Variants in CWF19L1 observed in about 807,000 individuals in gnomAD.
The protein encoded by CWF19L1 is CWF19 like cell cycle control factor 1.
A neutral mutation model predicts 69.7 loss-of-function variants in CWF19L1; 60 were observed. The ratio of observed to expected loss-of-function variants is 0.86; its 90% CI spans 0.70 to 1.07. The LOEUF is 1.07. Among genes scored for constraint, CWF19L1 ranks in the 50% least tolerant of loss-of-function variants. CWF19L1 has a pLI of 0.00. For missense variants in CWF19L1, 591 were observed against 638.9 expected, an observed-to-expected ratio of 0.92 and a Z score of 0.81; for synonymous variants, 209 against 222.2, an observed-to-expected ratio of 0.94 and a Z score of 0.53.
intron 9 of CWF19L1, 48 bp downstream of exon 9, chr10:100,245,751 A>T: frequency 1.4e-6 from 2 of 1,458,832 alleles, no homozygotes; most frequent in Non-Finnish European, 1.9e-6. Flanking sequence ...AAAAGCCAAA[A>T]TAACAGTTAC....
intron 10 of CWF19L1, among the ~76,000 whole-genome samples, chr10:100,238,657 T>C (rs3904036): frequency 0.29 from 43,995 of 152,028 alleles, 8,041 homozygotes; most frequent in Non-Finnish European, 0.43. Context: ...TCGGCTGGGA[T>C]AGTGGCTCAC....
At chr10:100,256,500 A>C in intron 4 of CWF19L1, 24 bp from the exon 5 acceptor site, 1 of 1,599,924 alleles carries the variant, frequency 6.3e-7, no homozygotes, top group African/African-American at 1.3e-5. Context: ...AAAATGAACA[A>C]ATTTTAGTCA....
intron 1 of CWF19L1, among the ~76,000 whole-genome samples, chr10:100,265,525 C>CTTTTTTT (rs35773155): frequency 8.3e-6 from 1 of 121,022 alleles, no homozygotes; most frequent in Non-Finnish European, 1.7e-5. Flanking sequence ...TTTTCTTTTT[C>CTTTTTTT]TTTTTTTTTT....
intron 4 of CWF19L1, among the ~76,000 whole-genome samples, chr10:100,259,932 C>A (rs138681691): frequency 6.6e-6 from 1 of 152,116 alleles, no homozygotes; most frequent in African/African-American, 2.4e-5. Context: ...TCTGGGAGGC[C>A]GAGGTGGGCG....
At chr10:100,262,326 T>A (rs933138466) in intron 1 of CWF19L1, 13 of 985,342 alleles carry the variant, frequency 1.3e-5, no homozygotes, top group Non-Finnish European at 1.6e-5. Flanking sequence ...TTTGTGGACA[T>A]GTCTATGGCT....
intron 7 of CWF19L1, chr10:100,248,182 A>G: frequency 1.6e-6 from 1 of 644,654 alleles, no homozygotes; most frequent in Non-Finnish European, 2.8e-6. Flanking sequence ...GAATTGGGCA[A>G]AAAAGCTGAA....
At chr10:100,264,064 C>A (rs1264789363) in intron 1 of CWF19L1, among the ~76,000 whole-genome samples, 4 of 152,198 alleles carry the variant, frequency 2.6e-5, no homozygotes, top group African/African-American at 9.6e-5. Flanking sequence ...CTAAAAAATT[C>A]CTATCGCCTA....
At chr10:100,258,945 G>A (rs1847302876) in intron 4 of CWF19L1, among the ~76,000 whole-genome samples, 1 of 150,512 alleles carries the variant, frequency 6.6e-6, no homozygotes, top group Non-Finnish European at 1.5e-5. Context: ...GCTCACACCT[G>A]TAATCCCAGC....
chr10:100,265,628 C>T (rs1179162940), intron 1 of CWF19L1, among the ~76,000 whole-genome samples: 1 of 151,368 alleles, frequency 6.6e-6, no homozygotes, highest in Admixed American at 6.6e-5. Flanking sequence ...TCAAGCCATT[C>T]TCCTGCCTCA....
At chr10:100,262,511 G>A in intron 1 of CWF19L1, 1 of 968,258 alleles carries the variant, frequency 1.0e-6, no homozygotes, top group Non-Finnish European at 1.2e-6. Flanking sequence ...AACAGGTACT[G>A]GACACCTACC....
chr10:100,244,644 C>T (rs1466365464), intron 9 of CWF19L1, among the ~76,000 whole-genome samples: 2 of 152,060 alleles, frequency 1.3e-5, no homozygotes, highest in Non-Finnish European at 1.5e-5. Context: ...CGTGAGCCAC[C>T]GCGCCTGGCC....
chr10:100,245,851 G>A lies in CWF19L1; in HGVS notation c.912C>T (p.Ser304=), dbSNP rs770864156. 2 of 1,614,168 alleles carry A rather than the reference G, an allele frequency of 1.2e-6. No individual in the cohort carries two copies. The highest frequency in any genetic ancestry group is 1.1e-5 in the South Asian group (1 of 91,086). ...GAGAAGATTTGCTATCTCTACCTGT[G>A]GATGAACGCTTCCTTCCCTGCTTTT... ...LNEKQGRKRS[S]TGRDSKSSPH... The change falls in exon 9 of 14, where the codon TCC becomes TCT. Residue 304 remains serine, a synonymous_variant. Transcript: ENST00000354105.
chr10:100,237,158 A>C lies in CWF19L1; in HGVS notation c.1255-189T>G, dbSNP rs753649138. The C allele has an allele frequency of 6.6e-6, 5 of 762,688 alleles. No homozygotes were observed. In the African/African-American group the frequency reaches 6.8e-5, roughly 10 times the overall value. 47.2% of individuals were successfully genotyped at this position (762,688 alleles called of 1,614,324 possible). A position where few individuals can be genotyped will look rare whatever the true frequency, so the allele number is the denominator to read the frequency against. On this transcript the variant is annotated intron_variant, in intron 11 of 13. Transcript: ENST00000354105. ...TTAAACTTATGAGATAGCCTGACACATGTGGGAGCCATTCTCTGATGCAGG... is the reference window on the plus strand; with the variant it reads ...TTAAACTTATGAGATAGCCTGACACCTGTGGGAGCCATTCTCTGATGCAGG...
At chr10:100,246,716 G>A in intron 8 of CWF19L1, 79 bp downstream of exon 8, 1 of 1,335,814 alleles carries the variant, frequency 7.5e-7, no homozygotes. Context: ...AGATTCTAAC[G>A]ATTAAACTTG....
At chr10:100,264,425 G>C (rs905808632) in intron 1 of CWF19L1, among the ~76,000 whole-genome samples, 1 of 151,824 alleles carries the variant, frequency 6.6e-6, no homozygotes, top group Non-Finnish European at 1.5e-5. Flanking sequence ...GGCGCCTGTA[G>C]TCCCAGCTAC....
At chr10:100,266,136 T>C (rs753518923) in intron 1 of CWF19L1, among the ~76,000 whole-genome samples, 1 of 151,968 alleles carries the variant, frequency 6.6e-6, no homozygotes, top group South Asian at 2.1e-4. Context: ...ACCCCTCTTA[T>C]GCACTCTCCC....
At chr10:100,264,556 A>T (rs61552938) in intron 1 of CWF19L1, among the ~76,000 whole-genome samples, 7,904 of 151,328 alleles carry the variant, frequency 0.052, 670 homozygotes, top group African/African-American at 0.18. Context: ...AAAAAAAAAA[A>T]ATATATTCAG....
chr10:100,256,553 C>CTATTG, intron 4 of CWF19L1, 77 bp from the exon 5 acceptor site: 4 of 1,108,692 alleles, frequency 3.6e-6, no homozygotes, highest in Non-Finnish European at 5.5e-6. Flanking sequence ...ATGAATCTCC[C>CTATTG]ATGACTCTCC....
In CWF19L1 at chr10:100,233,257, A is replaced by T. The variant is rs1241626337; in HGVS notation, c.1587T>A (p.Phe529Leu). The change falls in exon 14 of 14, where the codon TTT becomes TTA. Residue 529 changes from phenylalanine to leucine, a missense_variant. Phe to Leu is a conservative substitution (Grantham distance 22). This residue lies in a region of CWF19L1 where 458 missense variants were observed against 489.3 expected (regional missense o/e 0.94). Coordinates refer to ENST00000354105, the MANE Select transcript of CWF19L1 (RefSeq NM_018294.6). ...ETLARRFRKDFEPYDFTLDD is the reference protein window; with the variant it reads ...ETLARRFRKDLEPYDFTLDD ...CATCCAGAGTAAAGTCATAGGGCTC[A>T]AAGTCTTTCCGGAAGCGGCGAGCCA... 1 of 1,613,612 alleles carries T rather than the reference A, an allele frequency of 6.2e-7. No individual in the cohort carries two copies. Among genetic ancestry groups the T allele is most frequent in the Admixed American group, 1.7e-5 (1 of 59,984 alleles).
Sources: allele counts gnomAD v4.1 joint callset (sites outside exome capture counted in the v4.1 genomes callset), GRCh38; gene constraint gnomAD v4.1.1; regional missense constraint gnomAD v4.1.1; transcripts MANE v1.5; gene names NCBI Gene and HGNC (gene_info 2026-07-23, HGNC 2026-07-21).